NKAIN2: variants seen among roughly 807,000 people sequenced by gnomAD.
NKAIN2 encodes sodium/potassium-transporting ATPase subunit beta-1-interacting protein 2.
Under a neutral mutation model 32.6 loss-of-function variants are expected in NKAIN2, and 14 were observed. The ratio of observed to expected loss-of-function variants is 0.43; its 90% CI spans 0.28 to 0.67. The LOEUF (loss-of-function observed/expected upper bound fraction) is 0.67. Among genes scored for constraint, NKAIN2 ranks in the 30% least tolerant of loss-of-function variants. NKAIN2 has a pLI of 0.17. For missense variants in NKAIN2, 198 were observed against 258.3 expected, an observed-to-expected ratio of 0.77 and a Z score of 1.60; for synonymous variants, 80 against 87.2, an observed-to-expected ratio of 0.92 and a Z score of 0.46.
chr6:124,119,940 G>A (rs898694860), intron 1 of NKAIN2, among the ~76,000 whole-genome samples: 1 of 152,100 alleles, frequency 6.6e-6, no homozygotes, highest in Non-Finnish European at 1.5e-5. Flanking sequence ...TACCTGGCCT[G>A]CTTTGTTTTT....
chr6:123,871,245 G>C (rs972885139), intron 1 of NKAIN2, among the ~76,000 whole-genome samples: 3 of 151,944 alleles, frequency 2.0e-5, no homozygotes, highest in African/African-American at 7.3e-5. Context: ...TTTCTCTTTG[G>C]CTTTGGTTCC....
intron 3 of NKAIN2, among the ~76,000 whole-genome samples, chr6:124,556,824 A>G (rs1480165393): frequency 6.6e-6 from 1 of 152,210 alleles, no homozygotes; most frequent in Non-Finnish European, 1.5e-5. Flanking sequence ...TGGTGAGGCC[A>G]GGGTAAGAAT....
intron 1 of NKAIN2, among the ~76,000 whole-genome samples, chr6:123,920,630 A>G (rs1217650954): frequency 6.6e-6 from 1 of 152,128 alleles, no homozygotes; most frequent in Non-Finnish European, 1.5e-5. Flanking sequence ...ACTATATCAC[A>G]GCCAAGATTA....
chr6:124,587,725 C>G (rs1355677540), intron 3 of NKAIN2, among the ~76,000 whole-genome samples: 1 of 152,218 alleles, frequency 6.6e-6, no homozygotes, highest in African/African-American at 2.4e-5. Flanking sequence ...ATGGAAGAAG[C>G]TGAGCTACAG....
chr6:124,734,623 C>G (rs1287871130), intron 4 of NKAIN2, among the ~76,000 whole-genome samples: 1 of 151,910 alleles, frequency 6.6e-6, no homozygotes, highest in African/African-American at 2.4e-5. Flanking sequence ...GAAACCTTAA[C>G]TGACAGACAC....
Position 124,805,434 on chromosome 6 carries a change from GT to G in NKAIN2, c.536-12952del, listed in dbSNP as rs1015135184. 4.6e-3 allele frequency among the ~76,000 whole-genome samples: 693 copies of G among 152,286 alleles called. 5 individuals carry two copies. The highest frequency in any genetic ancestry group is 0.016 in the African/African-American group (658 of 41,552). On this transcript the variant is annotated intron_variant, in intron 5 of 6. Coordinates refer to ENST00000368417, the MANE Select transcript of NKAIN2 (RefSeq NM_001040214.3). ...CAACAGACCTGCAGCTGAGGGTCCT[GT>G]CTGTTAGAAGGAAAACTAACAAACA...
intron 2 of NKAIN2, among the ~76,000 whole-genome samples, chr6:124,308,150 C>T (rs1268096489): frequency 6.6e-6 from 1 of 151,846 alleles, no homozygotes; most frequent in African/African-American, 2.4e-5. Flanking sequence ...TTGCCCCCCA[C>T]CCCGCAGCAG....
chr6:123,814,620 A>G (rs568995302), intron 1 of NKAIN2, among the ~76,000 whole-genome samples: 2 of 152,156 alleles, frequency 1.3e-5, no homozygotes, highest in South Asian at 4.1e-4. Context: ...CTTTACTCAC[A>G]CTCTGTTAAG....
At chr6:124,649,835 C>T (rs74564816) in intron 3 of NKAIN2, among the ~76,000 whole-genome samples, 4,044 of 152,202 alleles carry the variant, frequency 0.027, 67 homozygotes, top group East Asian at 0.081. Context: ...TAATACATCA[C>T]ATCCACAAAC....
At chr6:124,705,606 G>A (rs1775019510) in intron 4 of NKAIN2, among the ~76,000 whole-genome samples, 1 of 152,052 alleles carries the variant, frequency 6.6e-6, no homozygotes, top group Admixed American at 6.6e-5. Context: ...GTAGCATTTG[G>A]GGAATTATGA....
At chr6:123,822,615 A>G (rs1420714574) in intron 1 of NKAIN2, among the ~76,000 whole-genome samples, 1 of 152,072 alleles carries the variant, frequency 6.6e-6, no homozygotes, top group Non-Finnish European at 1.5e-5. Context: ...TTTATGAGAG[A>G]CATGATCCTC....
chr6:124,669,849 C>G (rs920020804), intron 4 of NKAIN2, among the ~76,000 whole-genome samples: 2 of 151,962 alleles, frequency 1.3e-5, no homozygotes, highest in Non-Finnish European at 2.9e-5. Context: ...TCACCATATT[C>G]CATTTATCTG....
intron 1 of NKAIN2, among the ~76,000 whole-genome samples, chr6:124,198,241 CTA>C (rs1443026382): frequency 6.6e-6 from 1 of 151,914 alleles, no homozygotes; most frequent in Admixed American, 6.6e-5. Flanking sequence ...TAGGTATGTG[CTA>C]TACCTATAGG....
chr6:124,397,644 T>A (rs568720781), intron 3 of NKAIN2, among the ~76,000 whole-genome samples: 49 of 151,364 alleles, frequency 3.2e-4, no homozygotes, highest in East Asian at 2.9e-3. Context: ...AAAAAGAATT[T>A]AAAAAAAAAC....
intron 5 of NKAIN2, among the ~76,000 whole-genome samples, chr6:124,808,644 CAGG>C (rs1780716134): frequency 6.6e-6 from 1 of 152,118 alleles, no homozygotes; most frequent in Admixed American, 6.5e-5. Flanking sequence ...GGCAATTAGA[CAGG>C]AGAAGGAAAT....
At chr6:123,973,054 T>C (rs1224471205) in intron 1 of NKAIN2, among the ~76,000 whole-genome samples, 1 of 152,118 alleles carries the variant, frequency 6.6e-6, no homozygotes, top group Non-Finnish European at 1.5e-5. Flanking sequence ...AAAACAAATA[T>C]TGGCTGATGA....
At chr6:124,562,181 A>C (rs1446990801) in intron 3 of NKAIN2, among the ~76,000 whole-genome samples, 1 of 152,212 alleles carries the variant, frequency 6.6e-6, no homozygotes, top group Non-Finnish European at 1.5e-5. Flanking sequence ...AATACTGTGG[A>C]ATAAATGCTG....
intron 1 of NKAIN2, among the ~76,000 whole-genome samples, chr6:124,210,925 T>TGGAACAATGTATATATTGTGAG (rs1791142046): frequency 1.3e-4 from 20 of 150,402 alleles, no homozygotes; most frequent in African/African-American, 4.2e-4. Context: ...ATTTAGATAC[T>TGGAACAATGTATATATTGTGAG]CTTTATTTAC....
At chr6:124,631,371 T>C (rs1783558905) in intron 3 of NKAIN2, among the ~76,000 whole-genome samples, 2 of 152,308 alleles carry the variant, frequency 1.3e-5, no homozygotes, top group South Asian at 4.1e-4. Context: ...GTGAACTAGA[T>C]AGACTGATAT....
Sources: allele counts gnomAD v4.1 joint callset (sites outside exome capture counted in the v4.1 genomes callset), GRCh38; gene constraint gnomAD v4.1.1; transcripts MANE v1.5; gene names NCBI Gene and HGNC (gene_info 2026-07-23, HGNC 2026-07-21).